The following RBFOX1 variants were observed in gnomAD, a reference collection of about 807,000 sequenced individuals.
The protein encoded by RBFOX1 is RNA binding fox-1 homolog 1, also known as RNA binding protein fox-1 homolog 1.
Under a neutral mutation model 57.7 loss-of-function variants are expected in RBFOX1, and 8 were observed. The observed-to-expected ratio is 0.14, with a 90% CI of 0.08 to 0.25. The LOEUF (loss-of-function observed/expected upper bound fraction) is 0.25. Ranked by LOEUF, RBFOX1 falls within the 10% of genes least tolerant of loss-of-function variation. The pLI, the probability that RBFOX1 is intolerant of heterozygous loss-of-function variation, is 1.00. For synonymous variants in RBFOX1, 326 were observed against 222.4 expected, an observed-to-expected ratio of 1.47 and a Z score of -4.15; for missense variants, 611 against 548.5, an observed-to-expected ratio of 1.11 and a Z score of -1.14.
chr16:6,904,889 A>G (rs578200454), intron 3 of RBFOX1, among the ~76,000 whole-genome samples: 14 of 152,244 alleles, frequency 9.2e-5, no homozygotes, highest in South Asian at 2.1e-4. Flanking sequence ...ACACTTTTCT[A>G]CAAATTCCCC....
chr16:6,004,137 C>T (rs924760494), intron 4 of RBFOX1, among the ~76,000 whole-genome samples: 21 of 152,144 alleles, frequency 1.4e-4, no homozygotes, highest in African/African-American at 2.4e-4. Flanking sequence ...CCATAGCACA[C>T]GTTTGCCTGT....
intron 3 of RBFOX1, among the ~76,000 whole-genome samples, chr16:6,818,183 G>A (rs1164441498): frequency 6.6e-6 from 1 of 152,122 alleles, no homozygotes; most frequent in African/African-American, 2.4e-5. Context: ...CTGCCACAGG[G>A]ATCCTGCTGT....
chr16:6,529,881 T>C (rs1236199899), intron 2 of RBFOX1, among the ~76,000 whole-genome samples: 1 of 152,138 alleles, frequency 6.6e-6, no homozygotes, highest in Admixed American at 6.6e-5. Flanking sequence ...GATATAAACA[T>C]GAGGTGACTT....
At chr16:6,075,288 C>T (rs2095882362) in intron 1 of RBFOX1, among the ~76,000 whole-genome samples, 1 of 152,186 alleles carries the variant, frequency 6.6e-6, no homozygotes, top group South Asian at 2.1e-4. Context: ...ACCACATTTT[C>T]ATCTACTTTT....
intron 5 of RBFOX1, among the ~76,000 whole-genome samples, chr16:7,566,776 C>G (rs1197139914): frequency 6.6e-6 from 1 of 152,076 alleles, no homozygotes; most frequent in Non-Finnish European, 1.5e-5. Flanking sequence ...AGGGGAGAAG[C>G]AAAAGCCTTC....
At chr16:7,526,942 C>G (rs963524645) in intron 5 of RBFOX1, among the ~76,000 whole-genome samples, 10 of 152,212 alleles carry the variant, frequency 6.6e-5, no homozygotes, top group Non-Finnish European at 7.3e-5. Context: ...CATGCCCAGC[C>G]ACACTGGCCT....
chr16:6,551,444 C>A (rs376885138), intron 2 of RBFOX1, among the ~76,000 whole-genome samples: 1 of 152,100 alleles, frequency 6.6e-6, no homozygotes, highest in Non-Finnish European at 1.5e-5. Context: ...ACTAAAGGAT[C>A]GTATAATTTT....
intron 4 of RBFOX1, among the ~76,000 whole-genome samples, chr16:5,989,364 A>G (rs1487520514): frequency 6.6e-6 from 1 of 151,980 alleles, no homozygotes; most frequent in African/African-American, 2.4e-5. Context: ...AAAAAACCCC[A>G]AAAAACTTAA....
In RBFOX1 at chr16:7,515,381, T is replaced by G. The variant is rs762149697; in HGVS notation, c.28-2766T>G. ...TGCAAGACAGATACATTCTGGAGAT[T>G]TAAGTACAGCATGGAAACAAGAGTT... On this transcript the variant is annotated intron_variant, in intron 4 of 15. Transcript: ENST00000550418. 5.3e-5 allele frequency among the ~76,000 whole-genome samples: 8 copies of G among 152,072 alleles called. No homozygotes were observed. The East Asian group carries it at 1.2e-3, about 22-fold the overall frequency.
intron 2 of RBFOX1, among the ~76,000 whole-genome samples, chr16:5,559,976 A>G (rs1273244483): frequency 2.0e-5 from 3 of 152,106 alleles, no homozygotes; most frequent in Non-Finnish European, 4.4e-5. Context: ...TCTTGTTGAT[A>G]TTCTATCCGT....
intron 2 of RBFOX1, among the ~76,000 whole-genome samples, chr16:6,457,357 C>T (rs1471550465): frequency 6.6e-6 from 1 of 151,410 alleles, no homozygotes; most frequent in Non-Finnish European, 1.5e-5. Flanking sequence ...TCAAGAAGTA[C>T]TCAGAGTGAG....
At chr16:5,404,351 G>A (rs1273536479) in intron 1 of RBFOX1, among the ~76,000 whole-genome samples, 2 of 152,088 alleles carry the variant, frequency 1.3e-5, no homozygotes, top group Non-Finnish European at 1.5e-5. Context: ...CGAATTAGCA[G>A]GAGTCCCTCC....
intron 1 of RBFOX1, among the ~76,000 whole-genome samples, chr16:6,093,589 A>T (rs1291023395): frequency 1.3e-5 from 2 of 152,086 alleles, no homozygotes; most frequent in African/African-American, 4.8e-5. Flanking sequence ...TTGTGTAATT[A>T]AGGGCATGGG....
intron 3 of RBFOX1, among the ~76,000 whole-genome samples, chr16:6,862,855 G>A (rs985227612): frequency 1.3e-4 from 19 of 151,632 alleles, no homozygotes; most frequent in South Asian, 4.2e-4. Flanking sequence ...CATGGTGGCC[G>A]GCACCTGTAA....
chr16:5,251,132 C>A (rs1401499266), intron 1 of RBFOX1, among the ~76,000 whole-genome samples: 7 of 152,228 alleles, frequency 4.6e-5, no homozygotes, highest in Non-Finnish European at 1.0e-4. Flanking sequence ...AACGGTCCCC[C>A]CAGCCCCTGC....
At chr16:6,895,444 G>GTATATA (rs1341028814) in intron 3 of RBFOX1, among the ~76,000 whole-genome samples, 4 of 73,456 alleles carry the variant, frequency 5.4e-5, no homozygotes, top group African/African-American at 1.9e-4. Context: ...GTGTGTGTGT[G>GTATATA]TGTGTATATA....
intron 4 of RBFOX1, among the ~76,000 whole-genome samples, chr16:7,475,299 G>A (rs935323767): frequency 6.6e-6 from 1 of 151,178 alleles, no homozygotes. Context: ...AGATTTGAAG[G>A]ATGGGCATTC....
At chr16:7,321,826 G>T (rs112933919) in intron 4 of RBFOX1, among the ~76,000 whole-genome samples, 11 of 152,274 alleles carry the variant, frequency 7.2e-5, no homozygotes, top group African/African-American at 2.6e-4. Flanking sequence ...CTGCTAATCT[G>T]GGGAGTTGAA....
intron 4 of RBFOX1, among the ~76,000 whole-genome samples, chr16:7,449,823 C>T (rs1318298060): frequency 6.6e-6 from 1 of 151,004 alleles, no homozygotes; most frequent in African/African-American, 2.4e-5. Flanking sequence ...AGAACACCTT[C>T]ACAGGGTAAA....
Sources: allele counts gnomAD v4.1 joint callset (sites outside exome capture counted in the v4.1 genomes callset), GRCh38; gene constraint gnomAD v4.1.1; transcripts MANE v1.5; gene names NCBI Gene and HGNC (gene_info 2026-07-23, HGNC 2026-07-21).